RNF166: variants seen among roughly 807,000 people sequenced by gnomAD.
RNF166 encodes the protein ring finger protein 166.
Under a neutral mutation model 29.4 loss-of-function variants are expected in RNF166, and 19 were observed. The ratio of observed to expected loss-of-function variants is 0.65; its 90% CI spans 0.45 to 0.95. RNF166 has a LOEUF of 0.95. Among genes scored for constraint, RNF166 ranks in the 40% least tolerant of loss-of-function variants. RNF166 has a pLI of 0.00. For synonymous variants in RNF166, 171 were observed against 134.5 expected (o/e 1.27, Z -1.88); for missense variants, 347 against 322.1 (o/e 1.08, Z -0.59).
chr16:88,703,663 G>A (rs753288), intron 1 of RNF166: 4 of 985,402 alleles, frequency 4.1e-6, no homozygotes, highest in African/African-American at 1.7e-5. Context: ...GCCCACCCAG[G>A]GGCTGGTGCT....
chr16:88,696,750 C>T lies in RNF166; in HGVS notation c.*818G>A, dbSNP rs1567632419. The T allele has an allele frequency of 2.6e-6, 1 of 391,764 alleles. No individual in the cohort carries two copies. Among genetic ancestry groups the T allele is most frequent in the South Asian group, 1.8e-5 (1 of 56,422 alleles). The allele number at this position is 391,764 out of a possible 1,614,324, so 24.3% of individuals were successfully genotyped here. ...CCCTTCTCTGCCGGCCCCGCCTCTG[C>T]TGGGAGCAGCCACAGCCTGTGGCTG... On this transcript the variant is annotated 3_prime_UTR_variant, in exon 6 of 6. Transcript: ENST00000312838.
chr16:88,699,803 C>T (rs1910027312), intron 2 of RNF166, 71 bp from the exon 3 acceptor site: 1 of 1,101,100 alleles, frequency 9.1e-7, no homozygotes, highest in African/African-American at 1.6e-5. Flanking sequence ...AGGCCGAGAC[C>T]TCAGGTGTCC....
chr16:88,705,461 C>T (rs530795186), intron 1 of RNF166, among the ~76,000 whole-genome samples: 7 of 152,328 alleles, frequency 4.6e-5, no homozygotes, highest in African/African-American at 1.7e-4. Flanking sequence ...GGGCTGGCAG[C>T]TCCAGAATAC....
At chr16:88,701,483 C>A in intron 1 of RNF166, 65 bp from the exon 2 acceptor site, 2 of 1,449,196 alleles carry the variant, frequency 1.4e-6, no homozygotes, top group South Asian at 2.7e-5. Flanking sequence ...AGGCCTTGCT[C>A]GGGGCCCTTC....
chr16:88,699,852 C>A lies in RNF166; in HGVS notation c.313-120G>T, dbSNP rs1910033137. 4.6e-6 allele frequency: 3 copies of A among 646,174 alleles called. No individual in the cohort carries two copies. The East Asian group carries it at 8.6e-5, about 19-fold the overall frequency. The allele number at this position is 646,174 out of a possible 1,614,324, so 40.0% of individuals were successfully genotyped here. A position where few individuals can be genotyped will look rare whatever the true frequency, so the allele number is the denominator to read the frequency against. ...TGTAAGCAAGCGTCTGTGTTGCCAG[C>A]AGCAGGGGGACCCGGTCCCTTCTGC... is the stretch of plus-strand genomic sequence containing the variant. On this transcript the variant is annotated intron_variant, in intron 2 of 5. Coordinates refer to ENST00000312838, the MANE Select transcript of RNF166 (RefSeq NM_178841.4).
At chr16:88,705,140 G>A (rs997139142) in intron 1 of RNF166, among the ~76,000 whole-genome samples, 2 of 152,240 alleles carry the variant, frequency 1.3e-5, no homozygotes, top group African/African-American at 4.8e-5. Flanking sequence ...CCTGACACAG[G>A]TAATGAAGGC....
At chr16:88,699,377 C>T (rs558672410) in intron 3 of RNF166, among the ~76,000 whole-genome samples, 7 of 152,352 alleles carry the variant, frequency 4.6e-5, no homozygotes, top group East Asian at 1.9e-4. Flanking sequence ...TGTGTGGGCC[C>T]GGCCTGCGCC....
chr16:88,703,455 C>G (rs1289032844), intron 1 of RNF166: 2 of 985,256 alleles, frequency 2.0e-6, no homozygotes, highest in Non-Finnish European at 1.2e-6. Context: ...TCGTCCTCCC[C>G]GGAAGGACTC....
At position 88,706,230 on chromosome 16, in the gene RNF166, G is replaced by C. The variant is rs1910787634; in HGVS notation, c.96C>G (p.Thr32=). ...GATAGACCTCCAGGCAGATGGGGCA[G>C]GTGTACTGCGCCTCCAGGCCGCTGT... is the stretch of plus-strand genomic sequence containing the variant. ...GGDSGLEAQY[T]CPICLEVYHR... Residue 32 remains threonine (T), a synonymous_variant, in exon 1 of 6, where the codon ACC becomes ACG. Transcript: ENST00000312838. 7.6e-7 allele frequency: 1 copy of C among 1,321,970 alleles called. No individual in the cohort carries two copies. The highest frequency in any genetic ancestry group is 9.7e-7 in the Non-Finnish European group (1 of 1,031,894). The allele number at this position is 1,321,970 out of a possible 1,614,324, so 81.9% of individuals were successfully genotyped here. A position where few individuals can be genotyped will look rare whatever the true frequency, so the allele number is the denominator to read the frequency against.
In RNF166 at chr16:88,704,021, C is replaced by T. The variant is rs1910527115; in HGVS notation, c.155+2150G>A. On this transcript the variant is annotated intron_variant, in intron 1 of 5. Coordinates refer to ENST00000312838, the MANE Select transcript of RNF166 (RefSeq NM_178841.4). Reference sequence around the variant, plus strand: ...GCTCAGACTGTCCCCTGGCTGAGAACAGCTCCTGCTGGGCCCCCAGGGGGC... The same window carrying T: ...GCTCAGACTGTCCCCTGGCTGAGAATAGCTCCTGCTGGGCCCCCAGGGGGC... The T allele has an allele frequency of 6.1e-6, 6 of 985,366 alleles. No homozygotes were observed. The South Asian group carries it at 2.3e-4, about 39-fold the overall frequency. 61.0% of individuals were successfully genotyped at this position (985,366 alleles called of 1,614,324 possible). A position where few individuals can be genotyped will look rare whatever the true frequency, so the allele number is the denominator to read the frequency against.
At chr16:88,700,716 C>CG (rs1910131774) in intron 2 of RNF166, 4 of 987,908 alleles carry the variant, frequency 4.0e-6, no homozygotes, top group Admixed American at 5.9e-5. Flanking sequence ...CCACGGGGCA[C>CG]GGGCCAGGCA....
intron 2 of RNF166, chr16:88,701,051 TG>T: frequency 7.4e-7 from 1 of 1,358,494 alleles, no homozygotes; most frequent in Non-Finnish European, 9.7e-7. Context: ...CCCACCGGGC[TG>T]GCCCCCCCGT....
At chr16:88,703,025 G>A (rs752550803) in intron 1 of RNF166, 6 of 985,428 alleles carry the variant, frequency 6.1e-6, no homozygotes, top group Non-Finnish European at 7.2e-6. Context: ...CCATGGAAAG[G>A]GCGTTCGGCC....
chr16:88,698,148 G>C, intron 5 of RNF166: 1 of 601,494 alleles, frequency 1.7e-6, no homozygotes, highest in Admixed American at 2.9e-5. Context: ...AGGAGACAGG[G>C]CTGGAGTGTT....
At chr16:88,704,069 G>C (rs567734990) in intron 1 of RNF166, 1 of 985,484 alleles carries the variant, frequency 1.0e-6, no homozygotes, top group South Asian at 4.7e-5. Context: ...GGCTAGAGCA[G>C]GGTGCATGCC....
At chr16:88,700,493 C>A (rs931911532) in intron 2 of RNF166, 6 of 582,508 alleles carry the variant, frequency 1.0e-5, no homozygotes, top group Non-Finnish European at 1.3e-5. Flanking sequence ...CCAGGGCAGC[C>A]CCTGGACATC....
chr16:88,704,601 C>G (rs1910580154), intron 1 of RNF166: 3 of 982,518 alleles, frequency 3.1e-6, no homozygotes, highest in Admixed American at 6.2e-5. Flanking sequence ...CTACGGGAGG[C>G]TTTTCTAAAA....
At position 88,704,557 on chromosome 16, in the gene RNF166, C is replaced by G. The variant is rs973952295; in HGVS notation, c.155+1614G>C. On this transcript the variant is annotated intron_variant, in intron 1 of 5. Transcript: ENST00000312838. Reference sequence around the variant, plus strand: ...GGTTAGGAAAGTGGAGATGCTGTGGCCGACCACACGGTGAAGGTGTTGGCA... The same window carrying G: ...GGTTAGGAAAGTGGAGATGCTGTGGGCGACCACACGGTGAAGGTGTTGGCA... 10 of 985,300 alleles carry G rather than the reference C, an allele frequency of 1.0e-5. No homozygotes were observed. The African/African-American group carries it at 1.4e-4, about 14-fold the overall frequency. The allele number at this position is 985,300 out of a possible 1,614,324, so 61.0% of individuals were successfully genotyped here.
At chr16:88,701,949 G>A (rs1304077014) in intron 1 of RNF166, among the ~76,000 whole-genome samples, 1 of 152,232 alleles carries the variant, frequency 6.6e-6, no homozygotes, top group Non-Finnish European at 1.5e-5. Flanking sequence ...CCTGAGGCTG[G>A]GTGGCAGTCA....
Sources: allele counts gnomAD v4.1 joint callset (sites outside exome capture counted in the v4.1 genomes callset), GRCh38; gene constraint gnomAD v4.1.1; transcripts MANE v1.5; gene names NCBI Gene and HGNC (gene_info 2026-07-23, HGNC 2026-07-21).